APOL2: variants seen among roughly 807,000 people sequenced by gnomAD.
APOL2 encodes apolipoprotein L, 2.
APOL2 carries 8 observed loss-of-function variants against 7.1 expected under a neutral mutation model. The observed-to-expected ratio is 1.12, with a 90% CI of 0.66 to 2.03. The LOEUF (loss-of-function observed/expected upper bound fraction) is 2.03, where lower values mean the gene tolerates loss of function less well. Among genes scored for constraint, APOL2 ranks in the 30% most tolerant of loss-of-function variants. The probability of loss-of-function intolerance (pLI) is 0.00; values close to 1 mark genes in which losing one functional copy is unlikely to be tolerated. For missense variants in APOL2, 471 were observed against 415.1 expected, an observed-to-expected ratio of 1.13 and a Z score of -1.17; for synonymous variants, 177 against 159.9, an observed-to-expected ratio of 1.11 and a Z score of -0.81.
At chr22:36,231,606 G>T in intron 3 of APOL2, 140 bp from the exon 4 acceptor site, 1 of 1,056,736 alleles carries the variant, frequency 9.5e-7, no homozygotes, top group Non-Finnish European at 1.4e-6. Flanking sequence ...CAGTGCTATA[G>T]AGGGATTGTG....
intron 3 of APOL2, among the ~76,000 whole-genome samples, chr22:36,232,629 C>T (rs1297811846): frequency 4.6e-5 from 7 of 152,110 alleles, no homozygotes; most frequent in Non-Finnish European, 8.8e-5. Flanking sequence ...AAGGCCAGAC[C>T]GGGGTCCATT....
Position 36,227,295 on chromosome 22 carries a change from G to C in APOL2, c.*109C>G, listed in dbSNP as rs145992971. On this transcript the variant is annotated 3_prime_UTR_variant, in exon 5 of 5. Coordinates refer to ENST00000358502, the MANE Select transcript of APOL2 (RefSeq NM_030882.4). ...TGAGCCACTGCACTCCATCCTGGGC[G>C]ATAGAGCGAGACTCCATCTCAAAAA... The C allele has an allele frequency of 7.4e-7, 1 of 1,354,878 alleles. No individual in the cohort carries two copies. Among genetic ancestry groups the C allele is most frequent in the Non-Finnish European group, 9.8e-7 (1 of 1,021,798 alleles). 83.9% of individuals were successfully genotyped at this position (1,354,878 alleles called of 1,614,324 possible).
chr22:36,234,396 T>A (rs1377892537), intron 1 of APOL2: 1 of 152,242 alleles, frequency 6.6e-6, no homozygotes, highest in African/African-American at 2.4e-5. Context: ...ACTCCTAGTA[T>A]GCAGCCCAGG....
Position 36,228,139 on chromosome 22 carries a change from C to T in APOL2, c.279G>A (p.Glu93=), listed in dbSNP as rs1467815679. 2 of 1,614,124 alleles carry T rather than the reference C, an allele frequency of 1.2e-6. No individual in the cohort carries two copies. Among genetic ancestry groups the T allele is most frequent in the African/African-American group, 1.3e-5 (1 of 74,950 alleles). Residue 93 remains glutamate, a synonymous_variant, in exon 5 of 5, where the codon GAG becomes GAA. Transcript: ENST00000358502. ...GGGCACGGAGCTTCCTTATGTGATC[C>T]TCAAGCTCCCTTTTCAACCGAGGAA... The part of the protein sequence containing the change: ...KEFPRLKREL[E]DHIRKLRALA...
intron 3 of APOL2, among the ~76,000 whole-genome samples, chr22:36,231,774 A>G (rs746991856): frequency 1.3e-5 from 2 of 152,228 alleles, no homozygotes; most frequent in Non-Finnish European, 2.9e-5. Flanking sequence ...AAGAGAAACA[A>G]TAAGGCCAGG....
At chr22:36,238,711 C>T (rs2015496777) in intron 1 of APOL2, among the ~76,000 whole-genome samples, 1 of 152,188 alleles carries the variant, frequency 6.6e-6, no homozygotes, top group South Asian at 2.1e-4. Context: ...GCAATGCGAC[C>T]TTCTCACTCC....
intron 3 of APOL2, among the ~76,000 whole-genome samples, chr22:36,232,619 A>G (rs572710430): frequency 1.3e-5 from 2 of 152,282 alleles, no homozygotes; most frequent in South Asian, 4.1e-4. Context: ...GGACTTGGAA[A>G]AGGCCAGACC....
intron 2 of APOL2, 48 bp from the exon 3 acceptor site, chr22:36,233,289 G>A (rs1315873958): frequency 1.2e-6 from 2 of 1,600,754 alleles, no homozygotes; most frequent in Non-Finnish European, 1.7e-6. Context: ...AGCCTCCTGT[G>A]TACAGAGGGA....
At position 36,227,200 on chromosome 22, in the gene APOL2, C is replaced by T. The variant is rs1208794436; in HGVS notation, c.*204G>A. 2 of 554,626 alleles carry T rather than the reference C, an allele frequency of 3.6e-6. No individual in the cohort carries two copies. The highest frequency in any genetic ancestry group is 3.8e-5 in the Admixed American group (1 of 26,504). 34.4% of individuals were successfully genotyped at this position (554,626 alleles called of 1,614,324 possible). On this transcript the variant is annotated 3_prime_UTR_variant, in exon 5 of 5. Coordinates refer to ENST00000358502, the MANE Select transcript of APOL2 (RefSeq NM_030882.4). ...GCGTGGTGGCAGGTGCCTGTAGTCC[C>T]AGCTACTCGGGAGACTGAGGCCGGA...
chr22:36,231,648 A>G (rs2015229701), intron 3 of APOL2, among the ~76,000 whole-genome samples, 182 bp from the exon 4 acceptor site: 1 of 152,136 alleles, frequency 6.6e-6, no homozygotes, highest in Non-Finnish European at 1.5e-5. Context: ...GAAGCCCTAA[A>G]CTCGAGTGAC....
At chr22:36,235,806 G>A (rs1286248239) in intron 1 of APOL2, among the ~76,000 whole-genome samples, 1 of 150,072 alleles carries the variant, frequency 6.7e-6, no homozygotes, top group African/African-American at 2.4e-5. Flanking sequence ...GTGCATCCAT[G>A]GAGGGCAGGT....
In APOL2 at chr22:36,239,434, A is replaced by G. The variant is rs2015526557; in HGVS notation, c.-134+7T>C. 1 of 1,544,844 alleles carries G rather than the reference A, an allele frequency of 6.5e-7. No individual in the cohort carries two copies. Among genetic ancestry groups the G allele is most frequent in the African/African-American group, 1.4e-5 (1 of 72,664 alleles). On this transcript the variant is annotated splice_region_variant and intron_variant, in intron 1 of 4. Transcript: ENST00000358502. ...CATGGGGGTAGATCACACTATCCCC[A>G]ACTTACCAAGGGATCTTCCTCTGAC...
At chr22:36,234,482 G>A (rs990470840) in intron 1 of APOL2, 18 of 152,224 alleles carry the variant, frequency 1.2e-4, no homozygotes, top group East Asian at 1.9e-4. Flanking sequence ...CATGAGCCAC[G>A]ACACCCGGCC....
chr22:36,227,402 G>C lies in APOL2; in HGVS notation c.*2C>G, dbSNP rs778498404. ...TGCCCTGGTGGCTGCACTGCTCTGGGGTCATTGGTCTTGGCCTGGCTGCAG... is the reference window on the plus strand; with the variant it reads ...TGCCCTGGTGGCTGCACTGCTCTGGCGTCATTGGTCTTGGCCTGGCTGCAG... On this transcript the variant is annotated 3_prime_UTR_variant, in exon 5 of 5. Transcript: ENST00000358502. 11 of 1,604,334 alleles carry C rather than the reference G, an allele frequency of 6.9e-6. No homozygotes were observed. The highest frequency in any genetic ancestry group is 6.8e-6 in the Non-Finnish European group (8 of 1,175,016).
In APOL2 at chr22:36,235,935, G is replaced by C. The variant is rs143934886; in HGVS notation, c.-133-2480C>G. On this transcript the variant is annotated intron_variant, in intron 1 of 4. Transcript: ENST00000358502. The stretch of plus-strand genomic sequence containing the variant: ...GTAGGCCTACAAAACGACCAGTCCA[G>C]GATGGAATAAAAAGGGAATGGTTCT... 5.9e-5 allele frequency among the ~76,000 whole-genome samples: 9 copies of C among 152,166 alleles called. No homozygotes were observed. The East Asian group carries it at 1.7e-3, about 29-fold the overall frequency.
chr22:36,228,354 T>G, intron 4 of APOL2, 74 bp from the exon 5 acceptor site: 1 of 1,512,298 alleles, frequency 6.6e-7, no homozygotes, highest in Non-Finnish European at 8.9e-7. Flanking sequence ...GCGATCTCTA[T>G]CCTGTGTAAA....
intron 1 of APOL2, among the ~76,000 whole-genome samples, chr22:36,236,050 GA>G (rs1275354770): frequency 1.3e-5 from 2 of 151,612 alleles, no homozygotes; most frequent in East Asian, 1.9e-4. Flanking sequence ...TACAAGGGAG[GA>G]AAAAAAACAA....
chr22:36,236,802 A>T (rs1424633102), intron 1 of APOL2: 1 of 1,116,320 alleles, frequency 9.0e-7, no homozygotes, highest in Non-Finnish European at 1.1e-6. Flanking sequence ...TGGGGCCCCT[A>T]CGCAGCAAGA....
At chr22:36,238,987 G>A (rs2015507339) in intron 1 of APOL2, 2 of 451,684 alleles carry the variant, frequency 4.4e-6, no homozygotes, top group South Asian at 3.9e-5. Context: ...GAAATCTGTT[G>A]TTCCCATTGG....
Sources: allele counts gnomAD v4.1 joint callset (sites outside exome capture counted in the v4.1 genomes callset), GRCh38; gene constraint gnomAD v4.1.1; transcripts MANE v1.5; gene names NCBI Gene and HGNC (gene_info 2026-07-23, HGNC 2026-07-21).